HIRA: variants seen among roughly 807,000 people sequenced by gnomAD.
HIRA encodes histone cell cycle regulator, also known as protein HIRA.
In HIRA, 13 loss-of-function variants were observed where a neutral mutation model predicts 126.6. The ratio of observed to expected loss-of-function variants is 0.10; its 90% CI spans 0.07 to 0.16. The LOEUF is 0.16. Among genes scored for constraint, HIRA ranks in the 10% least tolerant of loss-of-function variants. HIRA has a pLI of 1.00. For synonymous variants in HIRA, 511 were observed against 520.0 expected (o/e 0.98, Z 0.24); for missense variants, 834 against 1,314.4 (o/e 0.63, Z 5.65).
chr22:19,341,137 G>A (rs1411384837), intron 24 of HIRA, among the ~76,000 whole-genome samples: 1 of 151,770 alleles, frequency 6.6e-6, no homozygotes, highest in Non-Finnish European at 1.5e-5. Context: ...GCAACATGGC[G>A]AAACTCTGTC....
chr22:19,333,160 G>A (rs1556005003), intron 24 of HIRA, among the ~76,000 whole-genome samples: 1 of 152,146 alleles, frequency 6.6e-6, no homozygotes, highest in African/African-American at 2.4e-5. Flanking sequence ...TTCCTGCCTT[G>A]TTCTCCCAAA....
intron 15 of HIRA, among the ~76,000 whole-genome samples, chr22:19,365,153 A>C (rs1025442692): frequency 4.6e-5 from 7 of 152,246 alleles, no homozygotes; most frequent in African/African-American, 1.7e-4. Context: ...TTGGCTCATG[A>C]AGTTTAAGGA....
intron 1 of HIRA, among the ~76,000 whole-genome samples, chr22:19,412,676 G>T (rs1021431495): frequency 7.9e-5 from 12 of 152,140 alleles, no homozygotes; most frequent in African/African-American, 2.9e-4. Context: ...TTACCTGCAA[G>T]TCACAGTTCC....
chr22:19,352,104 C>T (rs908237138), intron 23 of HIRA, among the ~76,000 whole-genome samples: 1 of 151,802 alleles, frequency 6.6e-6, no homozygotes, highest in Non-Finnish European at 1.5e-5. Flanking sequence ...GAATGGGGTC[C>T]ACTTTTATAC....
intron 12 of HIRA, among the ~76,000 whole-genome samples, 185 bp downstream of exon 12, chr22:19,385,336 A>G (rs2089116714): frequency 1.3e-5 from 2 of 152,222 alleles, no homozygotes; most frequent in Non-Finnish European, 2.9e-5. Context: ...TTTGATAAAG[A>G]GGATCCAGGC....
At position 19,408,605 on chromosome 22, in the gene HIRA, G is replaced by A; in HGVS notation, c.101-12C>T. The A allele has an allele frequency of 6.7e-7, 1 of 1,494,498 alleles. No homozygotes were observed. Among genetic ancestry groups the A allele is most frequent in the Non-Finnish European group, 9.3e-7 (1 of 1,071,070 alleles). 92.6% of individuals were successfully genotyped at this position (1,494,498 alleles called of 1,614,324 possible). ...CCCAGAATCCTGCCCTGGAACAAAGGAGCAGAAATGGCTGAATGTGCAAGG... is the reference window on the plus strand; with the variant it reads ...CCCAGAATCCTGCCCTGGAACAAAGAAGCAGAAATGGCTGAATGTGCAAGG... On this transcript the variant is annotated splice_polypyrimidine_tract_variant and intron_variant, in intron 2 of 24. Coordinates refer to ENST00000263208, the MANE Select transcript of HIRA (RefSeq NM_003325.4).
intron 5 of HIRA, among the ~76,000 whole-genome samples, chr22:19,399,697 C>T (rs935009599): frequency 6.6e-6 from 1 of 152,204 alleles, no homozygotes; most frequent in Non-Finnish European, 1.5e-5. Context: ...TTTCTACATG[C>T]AGACTGTTTG....
intron 24 of HIRA, among the ~76,000 whole-genome samples, chr22:19,337,473 T>A (rs1231472913): frequency 4.6e-5 from 7 of 151,802 alleles, no homozygotes; most frequent in Admixed American, 6.6e-5. Flanking sequence ...AATAATTTTT[T>A]AAAAAAATGA....
chr22:19,411,397 T>G (rs2089351026), intron 1 of HIRA, among the ~76,000 whole-genome samples: 1 of 152,214 alleles, frequency 6.6e-6, no homozygotes. Flanking sequence ...AGTATGGGCC[T>G]AGGCTTGCAC....
intron 24 of HIRA, among the ~76,000 whole-genome samples, chr22:19,340,808 C>T (rs1166067039): frequency 6.6e-6 from 1 of 152,098 alleles, no homozygotes; most frequent in African/African-American, 2.4e-5. Context: ...ATATACCTAA[C>T]CAAGGATGTG....
chr22:19,355,692 C>T (rs1405756253), intron 21 of HIRA, 68 bp downstream of exon 21: 1 of 1,201,588 alleles, frequency 8.3e-7, no homozygotes. Flanking sequence ...GGCCACGACC[C>T]TTTGCTCTGC....
chr22:19,428,499 C>G (rs1489102505), intron 1 of HIRA, among the ~76,000 whole-genome samples: 1 of 152,154 alleles, frequency 6.6e-6, no homozygotes, highest in East Asian at 1.9e-4. Context: ...CTATTATCAG[C>G]CAAGAAAATG....
rs1462359076 is a variant in HIRA at position 19,392,398 on chromosome 22, G to A, written c.823-184C>T. Among the ~76,000 whole-genome samples, 6 of 152,350 alleles carry A rather than the reference G, an allele frequency of 3.9e-5. No individual in the cohort carries two copies. In the East Asian group the frequency reaches 1.2e-3, roughly 29 times the overall value. On this transcript the variant is annotated intron_variant, in intron 8 of 24. Coordinates refer to ENST00000263208, the MANE Select transcript of HIRA (RefSeq NM_003325.4). The stretch of plus-strand genomic sequence containing the variant: ...GCTGATGATGGAAAGGAAGCTTAGG[G>A]AGGTCAGAAAGTATGTGCGGAGGCA...
chr22:19,409,221 G>A (rs1212835092), intron 2 of HIRA, among the ~76,000 whole-genome samples: 4 of 152,022 alleles, frequency 2.6e-5, no homozygotes, highest in African/African-American at 7.2e-5. Flanking sequence ...TAGGGCTCCC[G>A]TGGTCATGAG....
rs181485055 is a variant in HIRA, at chr22:19,351,599, C to G, written c.2849-153G>C. ...TTTATTGCCTACTATGGGCAAGACGCCCCTGCATGTCTCTCAGCGGGGGGC... is the reference window on the plus strand; with the variant it reads ...TTTATTGCCTACTATGGGCAAGACGGCCCTGCATGTCTCTCAGCGGGGGGC... On this transcript the variant is annotated intron_variant, in intron 23 of 24. Coordinates refer to ENST00000263208, the MANE Select transcript of HIRA (RefSeq NM_003325.4). The surrounding 1 kb of genome is among the most constrained non-coding windows in gnomAD (Gnocchi z 4.8). Among the ~76,000 whole-genome samples the G allele has an allele frequency of 6.6e-6, 1 of 152,158 alleles. No individual in the cohort carries two copies. Among genetic ancestry groups the G allele is most frequent in the Non-Finnish European group, 1.5e-5 (1 of 68,032 alleles).
chr22:19,331,346 C>A lies in HIRA; in HGVS notation c.*94G>T, dbSNP rs782178349. 13 of 1,601,572 alleles carry A rather than the reference C, an allele frequency of 8.1e-6. No individual in the cohort carries two copies. The highest frequency in any genetic ancestry group is 5.0e-5 in the Admixed American group (3 of 59,912). ...ACATCTCCTGCCAGTGTCTCCTCCC[C>A]CTACAGCCTGGTCAGGTGAGAGGCG... is the stretch of plus-strand genomic sequence containing the variant. On this transcript the variant is annotated 3_prime_UTR_variant, in exon 25 of 25. Coordinates refer to ENST00000263208, the MANE Select transcript of HIRA (RefSeq NM_003325.4).
At chr22:19,334,677 C>A (rs1170084151) in intron 24 of HIRA, among the ~76,000 whole-genome samples, 1 of 151,928 alleles carries the variant, frequency 6.6e-6, no homozygotes, top group Non-Finnish European at 1.5e-5. Context: ...CTGCCTTGGC[C>A]TCCCAAAGTG....
At chr22:19,413,988 C>G (rs1293463491) in intron 1 of HIRA, among the ~76,000 whole-genome samples, 1 of 152,136 alleles carries the variant, frequency 6.6e-6, no homozygotes, top group Non-Finnish European at 1.5e-5. Flanking sequence ...GCTAGTTAGA[C>G]AACTCTTCCT....
chr22:19,346,895 T>C (rs531487529), intron 24 of HIRA, among the ~76,000 whole-genome samples: 1 of 152,174 alleles, frequency 6.6e-6, no homozygotes, highest in Non-Finnish European at 1.5e-5. Context: ...TGAAGTGTCC[T>C]GTTTGGAGTT....
Sources: gnomAD v4.1 joint callset for allele counts (sites outside exome capture counted in the v4.1 genomes callset) on GRCh38, gnomAD v4.1.1 for gene constraint, Gnocchi (gnomAD v3.1) non-coding constraint, MANE v1.5 for transcripts, NCBI Gene and HGNC (gene_info 2026-07-23, HGNC 2026-07-21) for gene names.